SYNE1: variants seen among roughly 807,000 people sequenced by gnomAD.
SYNE1 encodes nesprin-1.
Under a neutral mutation model 1,111.0 loss-of-function variants are expected in SYNE1, and 616 were observed. The observed-to-expected ratio is 0.55, with a 90% CI of 0.52 to 0.59. SYNE1 has a LOEUF of 0.59. Ranked by LOEUF, SYNE1 falls within the 20% of genes least tolerant of loss-of-function variation. The pLI is 0.00. For synonymous variants in SYNE1, 3,855 were observed against 3,825.8 expected (o/e 1.01, Z -0.28); for missense variants, 10,006 against 10,417.0 (o/e 0.96, Z 1.72).
In SYNE1 at chr6:152,323,459, A is replaced by G; in HGVS notation, c.15917+19T>C. The stretch of plus-strand genomic sequence containing the variant: ...AAACAAACAAACAAACAAAAGAATG[A>G]AAGTAGGTGCTTAATTACTTCAGGC... On this transcript the variant is annotated intron_variant, in intron 82 of 145. Coordinates refer to ENST00000367255, the MANE Select transcript of SYNE1 (RefSeq NM_182961.4). The G allele has an allele frequency of 6.2e-7, 1 of 1,610,722 alleles. No individual in the cohort carries two copies. The highest frequency in any genetic ancestry group is 8.5e-7 in the Non-Finnish European group (1 of 1,179,982).
At chr6:152,602,395 T>C (rs988158414) in intron 3 of SYNE1, among the ~76,000 whole-genome samples, 1 of 152,164 alleles carries the variant, frequency 6.6e-6, no homozygotes, top group Middle Eastern at 3.4e-3. Flanking sequence ...TTGGAACAGA[T>C]CCTTCCCTCC....
intron 45 of SYNE1, among the ~76,000 whole-genome samples, chr6:152,406,664 T>G (rs2097906337): frequency 6.6e-6 from 1 of 151,956 alleles, no homozygotes; most frequent in Non-Finnish European, 1.5e-5. Flanking sequence ...GGTCAAGAGT[T>G]CAAGACCAGC....
chr6:152,477,376 G>C (rs1169850498), intron 14 of SYNE1, among the ~76,000 whole-genome samples: 1 of 152,108 alleles, frequency 6.6e-6, no homozygotes, highest in Non-Finnish European at 1.5e-5. Context: ...ATGAAGAGGG[G>C]ACCTTTTAGT....
At chr6:152,459,108 A>G (rs1025675073) in intron 21 of SYNE1, among the ~76,000 whole-genome samples, 178 bp from the exon 22 acceptor site, 3 of 152,176 alleles carry the variant, frequency 2.0e-5, no homozygotes, top group African/African-American at 7.2e-5. Flanking sequence ...GCTGTGAAAA[A>G]TAATAGTGCT....
Position 152,211,200 on chromosome 6 carries a change from T to C in SYNE1, c.22589+294A>G, listed in dbSNP as rs539403336. On this transcript the variant is annotated intron_variant, in intron 124 of 145. Transcript: ENST00000367255. Reference sequence around the variant, plus strand: ...ACAAACCGTTGATAGGTCATTGATATGGTTCATGCTGATCTATTCATTAAT... The same window carrying C: ...ACAAACCGTTGATAGGTCATTGATACGGTTCATGCTGATCTATTCATTAAT... Among the ~76,000 whole-genome samples, 14 of 152,330 alleles carry C rather than the reference T, an allele frequency of 9.2e-5. No individual in the cohort carries two copies. In the South Asian group the frequency reaches 1.2e-3, roughly 14 times the overall value.
chr6:152,420,827 A>T (rs1355827083), intron 39 of SYNE1, among the ~76,000 whole-genome samples: 1 of 152,042 alleles, frequency 6.6e-6, no homozygotes, highest in Non-Finnish European at 1.5e-5. Flanking sequence ...TGAATTGTCT[A>T]TAGCTTACAA....
rs1334266989 is a variant in SYNE1 at position 152,347,045 on chromosome 6, C to G, written c.12078+14G>C. On this transcript the variant is annotated intron_variant, in intron 73 of 145. Coordinates refer to ENST00000367255, the MANE Select transcript of SYNE1 (RefSeq NM_182961.4). Reference sequence around the variant, plus strand: ...TAATTCCTTGTCACTGTGGAATGTTCTGGGGGCACTCACCCTCTGAGCTGT... The same window carrying G: ...TAATTCCTTGTCACTGTGGAATGTTGTGGGGGCACTCACCCTCTGAGCTGT... The G allele has an allele frequency of 1.2e-6, 2 of 1,613,832 alleles. No homozygotes were observed. Among genetic ancestry groups the G allele is most frequent in the Non-Finnish European group, 1.7e-6 (2 of 1,179,968 alleles).
intron 16 of SYNE1, among the ~76,000 whole-genome samples, chr6:152,467,836 G>C (rs2098780294): frequency 6.6e-6 from 1 of 151,882 alleles, no homozygotes; most frequent in Admixed American, 6.6e-5. Flanking sequence ...ATTTAATTTG[G>C]TCCTTTTTTT....
intron 131 of SYNE1, among the ~76,000 whole-genome samples, chr6:152,161,306 T>C (rs1422935548): frequency 6.7e-6 from 1 of 148,546 alleles, no homozygotes; most frequent in Non-Finnish European, 1.5e-5. Context: ...ATGGTAATTT[T>C]CTCCTCTCTA....
chr6:152,374,628 G>T (rs2154099432), intron 58 of SYNE1, among the ~76,000 whole-genome samples: 1 of 152,116 alleles, frequency 6.6e-6, no homozygotes, highest in East Asian at 1.9e-4. Flanking sequence ...ACAAAAGTTA[G>T]CTGGGCGTGT....
intron 38 of SYNE1, among the ~76,000 whole-genome samples, chr6:152,427,364 T>C (rs2098375690): frequency 6.6e-6 from 1 of 152,220 alleles, no homozygotes; most frequent in Admixed American, 6.5e-5. Flanking sequence ...TATGAACTGA[T>C]AGCCAACCTC....
intron 105 of SYNE1, among the ~76,000 whole-genome samples, chr6:152,245,708 C>T (rs2086941925): frequency 6.6e-6 from 1 of 152,184 alleles, no homozygotes; most frequent in Non-Finnish European, 1.5e-5. Context: ...CCACCACCCA[C>T]TTCAGAGCAA....
At position 152,385,841 on chromosome 6, in the gene SYNE1, A is replaced by T; in HGVS notation, c.8488-3T>A. On this transcript the variant is annotated splice_region_variant and splice_polypyrimidine_tract_variant and intron_variant, in intron 54 of 145. Coordinates refer to ENST00000367255, the MANE Select transcript of SYNE1 (RefSeq NM_182961.4). ...TCTTCCACTTTCCTCATTTTTTCCT[A>T]GTAAACAAAGAAAAGACTACCTTAA... 1 of 1,613,994 alleles carries T rather than the reference A, an allele frequency of 6.2e-7. No homozygotes were observed. The highest frequency in any genetic ancestry group is 8.5e-7 in the Non-Finnish European group (1 of 1,179,946).
At chr6:152,155,253 C>T (rs941047456) in intron 132 of SYNE1, 9 of 550,576 alleles carry the variant, frequency 1.6e-5, no homozygotes, top group African/African-American at 5.7e-5. Context: ...TTTAAAAACA[C>T]GTCCTGCAAC....
intron 65 of SYNE1, 96 bp downstream of exon 65, chr6:152,359,219 A>T: frequency 6.4e-7 from 1 of 1,556,136 alleles, no homozygotes; most frequent in East Asian, 2.3e-5. Flanking sequence ...CTGTTTTCCC[A>T]AGCCTGTCAT....
intron 51 of SYNE1, among the ~76,000 whole-genome samples, chr6:152,394,431 C>T (rs77666408): frequency 0.023 from 3,433 of 152,228 alleles, 50 homozygotes; most frequent in Non-Finnish European, 0.035. Flanking sequence ...GCCCAAGGAG[C>T]CAAAGCCAAG....
chr6:152,628,358 A>T lies in SYNE1; in HGVS notation c.-27T>A. 1 of 1,612,742 alleles carries T rather than the reference A, an allele frequency of 6.2e-7. No homozygotes were observed. The highest frequency in any genetic ancestry group is 1.1e-5 in the South Asian group (1 of 91,042). On this transcript the variant is annotated 5_prime_UTR_variant, in exon 3 of 146. Transcript: ENST00000367255. ...GTCCCTCCGGAAGCACGAAGCCAACACCAAGAGACTCTTCACTGGAGGCAG... is the reference window on the plus strand; with the variant it reads ...GTCCCTCCGGAAGCACGAAGCCAACTCCAAGAGACTCTTCACTGGAGGCAG...
intron 49 of SYNE1, among the ~76,000 whole-genome samples, chr6:152,397,653 C>A (rs910140043): frequency 2.0e-5 from 3 of 152,144 alleles, no homozygotes; most frequent in African/African-American, 7.2e-5. Context: ...TTTTCAACAT[C>A]ATTTTTATCC....
intron 87 of SYNE1, among the ~76,000 whole-genome samples, chr6:152,312,579 A>G (rs1031596762): frequency 1.3e-5 from 2 of 148,502 alleles, no homozygotes; most frequent in Non-Finnish European, 3.0e-5. Flanking sequence ...TCTGTTAAAT[A>G]TATATTTAAT....
Sources: allele counts gnomAD v4.1 joint callset (sites outside exome capture counted in the v4.1 genomes callset), GRCh38; gene constraint gnomAD v4.1.1; transcripts MANE v1.5; gene names NCBI Gene and HGNC (gene_info 2026-07-23, HGNC 2026-07-21).